The following ZRANB3 variants were observed in gnomAD, a reference collection of about 807,000 sequenced individuals.
The protein encoded by ZRANB3 is DNA annealing helicase and endonuclease ZRANB3.
Under a neutral mutation model 133.8 loss-of-function variants are expected in ZRANB3, and 125 were observed. That is an observed-to-expected ratio of 0.93 (90% CI 0.81 to 1.08). The LOEUF (loss-of-function observed/expected upper bound fraction) is 1.08. Among genes scored for constraint, ZRANB3 ranks in the 50% least tolerant of loss-of-function variants. The pLI, the probability that ZRANB3 is intolerant of heterozygous loss-of-function variation, is 0.00. For missense variants in ZRANB3, 1,229 were observed against 1,275.5 expected, an observed-to-expected ratio of 0.96 and a Z score of 0.56; for synonymous variants, 387 against 432.7, an observed-to-expected ratio of 0.89 and a Z score of 1.31.
At chr2:135,217,424 A>G in intron 17 of ZRANB3, 41 bp downstream of exon 17, 1 of 1,529,468 alleles carries the variant, frequency 6.5e-7, no homozygotes, top group Non-Finnish European at 8.8e-7. Flanking sequence ...AGAACCATGA[A>G]AAGTAATATA....
In ZRANB3 at chr2:135,295,257, G is replaced by C. The variant is rs538505287; in HGVS notation, c.966+18232C>G. Among the ~76,000 whole-genome samples, 208 of 152,220 alleles carry C rather than the reference G, an allele frequency of 1.4e-3. 3 individuals carry two copies. Among genetic ancestry groups the C allele is most frequent in the Admixed American group, 2.4e-3 (36 of 15,290 alleles). ...AAGGACTTGCTTTATGAATCTGGGTGCTCCTGTATTGGATGCATATATATT... is the reference window on the plus strand; with the variant it reads ...AAGGACTTGCTTTATGAATCTGGGTCCTCCTGTATTGGATGCATATATATT... On this transcript the variant is annotated intron_variant, in intron 8 of 20. Transcript: ENST00000264159.
At chr2:135,291,330 G>C (rs181170268) in intron 8 of ZRANB3, among the ~76,000 whole-genome samples, 1 of 152,012 alleles carries the variant, frequency 6.6e-6, no homozygotes, top group East Asian at 1.9e-4. Context: ...TTACTGGCGT[G>C]TGCCACCACA....
chr2:135,479,828 C>A (rs2104790814), intron 2 of ZRANB3, among the ~76,000 whole-genome samples: 1 of 152,100 alleles, frequency 6.6e-6, no homozygotes, highest in South Asian at 2.1e-4. Context: ...TTCAGAATGC[C>A]AAGATACGGT....
intron 3 of ZRANB3, among the ~76,000 whole-genome samples, chr2:135,388,738 T>C (rs186310420): frequency 2.8e-4 from 43 of 152,326 alleles, no homozygotes; most frequent in African/African-American, 8.9e-4. Flanking sequence ...CTTTCAGTCA[T>C]TTGGACTCTC....
Position 135,475,102 on chromosome 2 carries a change from C to G in ZRANB3, c.161+29227G>C, listed in dbSNP as rs1278391240. Among the ~76,000 whole-genome samples the G allele has an allele frequency of 7.2e-5, 11 of 152,220 alleles. 1 individual carries two copies. The highest frequency in any genetic ancestry group is 7.2e-4 in the Admixed American group (11 of 15,282). On this transcript the variant is annotated intron_variant, in intron 2 of 20. Coordinates refer to ENST00000264159, the MANE Select transcript of ZRANB3 (RefSeq NM_032143.4). ...CTTGCACTTCATTTGTTGGTTTCCTCATTTGTTGATGCCTAACAATGGGAT... is the reference window on the plus strand; with the variant it reads ...CTTGCACTTCATTTGTTGGTTTCCTGATTTGTTGATGCCTAACAATGGGAT...
At chr2:135,498,979 C>T (rs950475392) in intron 2 of ZRANB3, among the ~76,000 whole-genome samples, 7 of 152,162 alleles carry the variant, frequency 4.6e-5, no homozygotes, top group Non-Finnish European at 2.9e-5. Context: ...CCTGTGATCT[C>T]GCCCTGCCTC....
chr2:135,327,350 T>C (rs1378216446), intron 6 of ZRANB3, among the ~76,000 whole-genome samples: 1 of 152,134 alleles, frequency 6.6e-6, no homozygotes, highest in Non-Finnish European at 1.5e-5. Context: ...GATTATTTTA[T>C]GTGCTTATAA....
intron 2 of ZRANB3, among the ~76,000 whole-genome samples, chr2:135,464,425 C>T (rs1197294884): frequency 6.6e-6 from 1 of 152,150 alleles, no homozygotes; most frequent in African/African-American, 2.4e-5. Context: ...AACTCACAGT[C>T]TGGTTTACAG....
chr2:135,517,656 C>A (rs868333872), intron 1 of ZRANB3, among the ~76,000 whole-genome samples: 20 of 152,286 alleles, frequency 1.3e-4, no homozygotes, highest in South Asian at 2.1e-4. Context: ...GGAGGCACTG[C>A]CAGATGCCAG....
intron 2 of ZRANB3, among the ~76,000 whole-genome samples, chr2:135,425,938 A>G (rs1689044476): frequency 6.6e-6 from 1 of 151,978 alleles, no homozygotes; most frequent in Non-Finnish European, 1.5e-5. Context: ...AAATAGATAG[A>G]CCACTAGCTA....
At chr2:135,408,187 A>C (rs1373399380) in intron 2 of ZRANB3, among the ~76,000 whole-genome samples, 1 of 152,070 alleles carries the variant, frequency 6.6e-6, no homozygotes, top group African/African-American at 2.4e-5. Context: ...CACTTCTCAA[A>C]AGAAGACGTT....
intron 12 of ZRANB3, among the ~76,000 whole-genome samples, chr2:135,250,383 T>G (rs1335326216): frequency 1.3e-5 from 2 of 152,188 alleles, no homozygotes; most frequent in Admixed American, 1.3e-4. Flanking sequence ...AGAAAACTTC[T>G]CGGGAGAAAT....
chr2:135,237,961 A>C (rs1400011922), intron 12 of ZRANB3, among the ~76,000 whole-genome samples: 2 of 152,322 alleles, frequency 1.3e-5, no homozygotes, highest in South Asian at 2.1e-4. Flanking sequence ...AAAAACAAAA[A>C]AACCTGTTAA....
At chr2:135,513,864 C>T (rs1349732539) in intron 1 of ZRANB3, among the ~76,000 whole-genome samples, 1 of 152,174 alleles carries the variant, frequency 6.6e-6, no homozygotes, top group Non-Finnish European at 1.5e-5. Context: ...TTTCCCAACA[C>T]CATTCACTAA....
chr2:135,250,792 C>T (rs1486413315), intron 12 of ZRANB3, among the ~76,000 whole-genome samples: 1 of 152,198 alleles, frequency 6.6e-6, no homozygotes, highest in Admixed American at 6.5e-5. Flanking sequence ...GATGCCTAGG[C>T]AAGTTTGCTG....
chr2:135,480,781 C>T (rs895724588), intron 2 of ZRANB3, among the ~76,000 whole-genome samples: 1 of 116,988 alleles, frequency 8.5e-6, no homozygotes, highest in Non-Finnish European at 1.6e-5. Flanking sequence ...CACCCGACAA[C>T]AGTCCCCAGA....
At chr2:135,317,846 C>T (rs1683335316) in intron 6 of ZRANB3, among the ~76,000 whole-genome samples, 2 of 152,104 alleles carry the variant, frequency 1.3e-5, no homozygotes, top group Non-Finnish European at 1.5e-5. Flanking sequence ...TTGTTACCCA[C>T]TCTCCCCACC....
intron 8 of ZRANB3, among the ~76,000 whole-genome samples, chr2:135,277,561 A>T (rs1269581956): frequency 6.6e-6 from 1 of 152,242 alleles, no homozygotes; most frequent in Non-Finnish European, 1.5e-5. Context: ...AGAAATGAAA[A>T]ATATAATAGC....
intron 2 of ZRANB3, among the ~76,000 whole-genome samples, chr2:135,462,446 CAGGCAACTTTCTGTAGCCTCTTCTG>C (rs1690803022): frequency 6.6e-6 from 1 of 152,188 alleles, no homozygotes; most frequent in Non-Finnish European, 1.5e-5. Context: ...AGCCTATTCT[CAGGCAACTTTCTGTAGCCTCTTCTG>C]AGGCAACTTT....
Sources: allele counts gnomAD v4.1 joint callset (sites outside exome capture counted in the v4.1 genomes callset), GRCh38; gene constraint gnomAD v4.1.1; transcripts MANE v1.5; gene names NCBI Gene and HGNC (gene_info 2026-07-23, HGNC 2026-07-21).